SYNPO2L: variants seen among roughly 807,000 people sequenced by gnomAD.
The protein encoded by SYNPO2L is synaptopodin 2 like, also known as synaptopodin 2-like protein.
A neutral mutation model predicts 47.5 loss-of-function variants in SYNPO2L; 34 were observed. The ratio of observed to expected loss-of-function variants is 0.72; its 90% CI spans 0.54 to 0.95. The LOEUF (loss-of-function observed/expected upper bound fraction) is 0.95. Among genes scored for constraint, SYNPO2L ranks in the 40% least tolerant of loss-of-function variants. The probability of loss-of-function intolerance (pLI) is 0.00; values close to 1 mark genes in which losing one functional copy is unlikely to be tolerated. For synonymous variants in SYNPO2L, 536 were observed against 524.9 expected (o/e 1.02, Z -0.29); for missense variants, 1,246 against 1,282.0 (o/e 0.97, Z 0.43).
chr10:73,651,037 G>A (rs1160232527), intron 3 of SYNPO2L: 1 of 1,604,120 alleles, frequency 6.2e-7, no homozygotes, highest in Admixed American at 1.7e-5. Context: ...GCTGGAGCAG[G>A]ACCAGCTTGA....
At position 73,645,795 on chromosome 10, in the gene SYNPO2L, G is replaced by A; in HGVS notation, c.*923C>T. 1 of 985,882 alleles carries A rather than the reference G, an allele frequency of 1.0e-6. No homozygotes were observed. Among genetic ancestry groups the A allele is most frequent in the Non-Finnish European group, 1.2e-6 (1 of 830,014 alleles). 61.1% of individuals were successfully genotyped at this position (985,882 alleles called of 1,614,324 possible). A position where few individuals can be genotyped will look rare whatever the true frequency, so the allele number is the denominator to read the frequency against. Reference sequence around the variant, plus strand: ...GTGGGGATATCTGACCCTTCTATCAGTACAACGATAAGACTCAGATTGGGT... The same window carrying A: ...GTGGGGATATCTGACCCTTCTATCAATACAACGATAAGACTCAGATTGGGT... On this transcript the variant is annotated 3_prime_UTR_variant, in exon 4 of 4. Coordinates refer to ENST00000394810, the MANE Select transcript of SYNPO2L (RefSeq NM_001114133.3).
rs769720748 is a variant in SYNPO2L at position 73,655,886 on chromosome 10, CT to C, written c.36del (p.Gly14GlufsTer57). On this transcript the variant is annotated frameshift_variant, in exon 1 of 4. Transcript: ENST00000394810. LOFTEE classifies it high-confidence loss of function. Reference sequence around the variant, plus strand: ...AGTCGGAAGCCCCAGGGGGCTCCCCCTGATAGTGTGACCAGCACCTCCTCCT... The same window carrying C: ...AGTCGGAAGCCCCAGGGGGCTCCCCCGATAGTGTGACCAGCACCTCCTCCT... ...GAEEEVLVTL[S>X]GGAPWGFRLH... 7.1e-6 allele frequency: 11 copies of C among 1,551,444 alleles called. No individual in the cohort carries two copies. The highest frequency in any genetic ancestry group is 2.4e-5 in the East Asian group (1 of 40,898).
Position 73,647,189 on chromosome 10 carries a change from GA to G in SYNPO2L, c.2462del (p.Phe821SerfsTer27). 1.2e-6 allele frequency: 2 copies of G among 1,613,784 alleles called. No homozygotes were observed. Among genetic ancestry groups the G allele is most frequent in the Non-Finnish European group, 1.7e-6 (2 of 1,179,842 alleles). On this transcript the variant is annotated frameshift_variant, in exon 4 of 4. Coordinates refer to ENST00000394810, the MANE Select transcript of SYNPO2L (RefSeq NM_001114133.3). LOFTEE classifies it high-confidence loss of function. ...TAGGGAGAGTTCGGGCCGCCTGGGG[GA>G]AAAAGGGAGAGAGCAGTGGGTTGTA... ...IAYNPLLSPFFPQAARTLPKA... is the reference protein window; with the variant it reads ...IAYNPLLSPFXPQAARTLPKA...
At chr10:73,650,256 C>G in intron 3 of SYNPO2L, 2 of 985,082 alleles carry the variant, frequency 2.0e-6, no homozygotes, top group Non-Finnish European at 2.4e-6. Context: ...TAATGAGCTC[C>G]TTTGTAATGA....
Position 73,653,329 on chromosome 10 carries a change from C to T in SYNPO2L, c.582G>A (p.Gln194=). ...PAPTIPGPPS[Q]GDSRVSSPSW... Reference sequence around the variant, plus strand: ...ACGGGGAGCTCACACGGCTGTCACCCTGGCTGGGAGGGCCAGGGATAGTAG... The same window carrying T: ...ACGGGGAGCTCACACGGCTGTCACCTTGGCTGGGAGGGCCAGGGATAGTAG... Residue 194 remains glutamine (Q), a synonymous_variant, in exon 3 of 4, where the codon CAG becomes CAA. Transcript: ENST00000394810. 6.4e-7 allele frequency: 1 copy of T among 1,551,610 alleles called. No homozygotes were observed. The highest frequency in any genetic ancestry group is 2.0e-5 in the Admixed American group (1 of 51,008).
At chr10:73,650,748 C>T (rs2132421342) in intron 3 of SYNPO2L, 2 of 985,354 alleles carry the variant, frequency 2.0e-6, no homozygotes, top group South Asian at 4.7e-5. Context: ...CACAGCATCA[C>T]TGAGAAAGGG....
chr10:73,648,046 TG>T lies in SYNPO2L; in HGVS notation c.1605del (p.Ser536AlafsTer9). On this transcript the variant is annotated frameshift_variant, in exon 4 of 4. Transcript: ENST00000394810. LOFTEE classifies it low-confidence loss of function (END_TRUNC). ...VPSHAPVSGSPSTPRSSGPVT... is the reference protein window; with the variant it reads ...VPSHAPVSGSXSTPRSSGPVT... ...ACAGGGCCCGAGGAGCGTGGGGTGC[TG>T]GGGGAACCAGAGACTGGCGCGTGGC... The T allele has an allele frequency of 1.9e-6, 3 of 1,583,174 alleles. No homozygotes were observed. Among genetic ancestry groups the T allele is most frequent in the Admixed American group, 1.8e-5 (1 of 55,842 alleles).
rs780397446 is a variant in SYNPO2L, at chr10:73,648,767, T to C, written c.885A>G (p.Val295=). 1 of 1,611,678 alleles carries C rather than the reference T, an allele frequency of 6.2e-7. No individual in the cohort carries two copies. The highest frequency in any genetic ancestry group is 1.1e-5 in the South Asian group (1 of 90,730). ...TCTGCCGCCGTTTCTTAAACATAAG[T>C]ACCCCTTTGGAGTGGGGGTTGGGGG... ...TAAPNPHSKG[V]LMFKKRRQRA... Residue 295 remains valine (V), a synonymous_variant, in exon 4 of 4, where the codon GTA becomes GTG. Coordinates refer to ENST00000394810, the MANE Select transcript of SYNPO2L (RefSeq NM_001114133.3).
intron 2 of SYNPO2L, 117 bp from the exon 3 acceptor site, chr10:73,653,770 C>T: frequency 7.4e-7 from 1 of 1,344,568 alleles, no homozygotes; most frequent in Non-Finnish European, 9.8e-7. Context: ...AGAGAGAAGG[C>T]TGTCATACAG....
chr10:73,649,004 C>T, intron 3 of SYNPO2L, 125 bp from the exon 4 acceptor site: 1 of 1,334,148 alleles, frequency 7.5e-7, no homozygotes. Flanking sequence ...ACAATGTCCC[C>T]TGTGACAAAG....
rs1385176162 is a variant in SYNPO2L at position 73,653,131 on chromosome 10, G to A, written c.772+8C>T. On this transcript the variant is annotated splice_region_variant and intron_variant, in intron 3 of 3. Coordinates refer to ENST00000394810, the MANE Select transcript of SYNPO2L (RefSeq NM_001114133.3). Reference sequence around the variant, plus strand: ...TCCTGGCTGGGGAAAAGGGGTTCAGGCACTCACTGGCTTGCTTGGCCTTCT... The same window carrying A: ...TCCTGGCTGGGGAAAAGGGGTTCAGACACTCACTGGCTTGCTTGGCCTTCT... The A allele has an allele frequency of 6.9e-7, 1 of 1,446,108 alleles. No individual in the cohort carries two copies. The highest frequency in any genetic ancestry group is 9.1e-7 in the Non-Finnish European group (1 of 1,095,640). The allele number at this position is 1,446,108 out of a possible 1,614,324, so 89.6% of individuals were successfully genotyped here.
Position 73,644,887 on chromosome 10 carries a change from A to C in SYNPO2L, c.*1831T>G. The C allele has an allele frequency of 1.7e-6, 1 of 591,338 alleles. No homozygotes were observed. Among genetic ancestry groups the C allele is most frequent in the Non-Finnish European group, 2.5e-6 (1 of 393,476 alleles). 36.6% of individuals were successfully genotyped at this position (591,338 alleles called of 1,614,324 possible). On this transcript the variant is annotated 3_prime_UTR_variant, in exon 4 of 4. Transcript: ENST00000394810. Reference sequence around the variant, plus strand: ...CTAGAAGATAACAGCAACAGAAGGTATGGGGCATAAATTTATTCTTGTGCA... The same window carrying C: ...CTAGAAGATAACAGCAACAGAAGGTCTGGGGCATAAATTTATTCTTGTGCA...
chr10:73,648,282 G>A lies in SYNPO2L; in HGVS notation c.1370C>T (p.Pro457Leu). 1.9e-6 allele frequency: 3 copies of A among 1,601,616 alleles called. No individual in the cohort carries two copies. Among genetic ancestry groups the A allele is most frequent in the African/African-American group, 1.3e-5 (1 of 75,004 alleles). The stretch of plus-strand genomic sequence containing the variant: ...GTTAAAGATGCTTGGAGCTGGGGTC[G>A]GGGCTCCACCACCTGGTTGGAAGGG... ...PRPFQPGGGAPTPAPSIFNRS... is the reference protein window; with the variant it reads ...PRPFQPGGGALTPAPSIFNRS... The change falls in exon 4 of 4, where the codon CCG becomes CTG. Residue 457 changes from proline (P) to leucine (L), a missense_variant. Physicochemically the swap from Pro to Leu is moderately conservative, Grantham distance 98. Coordinates refer to ENST00000394810, the MANE Select transcript of SYNPO2L (RefSeq NM_001114133.3).
intron 3 of SYNPO2L, among the ~76,000 whole-genome samples, chr10:73,651,815 C>A (rs1233008355): frequency 6.6e-6 from 1 of 152,086 alleles, no homozygotes; most frequent in Admixed American, 6.5e-5. Context: ...ATGGCTCACG[C>A]CTGCAATCCC....
chr10:73,655,847 C>T lies in SYNPO2L; in HGVS notation c.76G>A (p.Glu26Lys), dbSNP rs1014721780. The T allele has an allele frequency of 3.4e-4, 523 of 1,551,110 alleles. 7 individuals are homozygous for T. The East Asian group carries it at 0.012, about 37-fold the overall frequency. ...GACACCTGTAACGGTTTCCTCTGCT[C>T]GGCCCCCCCATGAAGTCGGAAGCCC... is the stretch of plus-strand genomic sequence containing the variant. ...PWGFRLHGGA[E>K]QRKPLQVSKI... Residue 26 changes from glutamate to lysine, a missense_variant, in exon 1 of 4, where the codon GAG (glutamate) becomes AAG (lysine). Glu to Lys is a moderately conservative substitution (Grantham distance 56, BLOSUM62 1). Transcript: ENST00000394810.
At position 73,648,442 on chromosome 10, in the gene SYNPO2L, C is replaced by T; in HGVS notation, c.1210G>A (p.Glu404Lys). The T allele has an allele frequency of 6.2e-7, 1 of 1,609,882 alleles. No individual in the cohort carries two copies. Among genetic ancestry groups the T allele is most frequent in the Non-Finnish European group, 8.5e-7 (1 of 1,179,854 alleles). ...QRQRADSSTQ[E>K]LARVEPAAML... ...GCTGCTGGTTCGACCCGTGCCAGTT[C>T]CTGGGTGCTGGAGTCTGCGCGCTGG... The change falls in exon 4 of 4, where the codon GAA (glutamate) becomes AAA (lysine). Residue 404 changes from glutamate (E) to lysine (K), a missense_variant. Transcript: ENST00000394810.
At position 73,645,548 on chromosome 10, in the gene SYNPO2L, C is replaced by G; in HGVS notation, c.*1170G>C. On this transcript the variant is annotated 3_prime_UTR_variant, in exon 4 of 4. Transcript: ENST00000394810. ...TTTTCATTTCCTGGGTACTGGGTTG[C>G]TCAGCACTGGCCTCTCAAGTTGCTA... 2 of 990,298 alleles carry G rather than the reference C, an allele frequency of 2.0e-6. No homozygotes were observed. The highest frequency in any genetic ancestry group is 2.4e-6 in the Non-Finnish European group (2 of 833,464). 61.3% of individuals were successfully genotyped at this position (990,298 alleles called of 1,614,324 possible).
chr10:73,656,001 G>C lies in SYNPO2L; in HGVS notation c.-79C>G. ...GTTGAGGTGCTCGAACCCCGTCTGG[G>C]CTTCCTGTCCGGCTGTCCTGCTCCT... On this transcript the variant is annotated 5_prime_UTR_variant, in exon 1 of 4. Coordinates refer to ENST00000394810, the MANE Select transcript of SYNPO2L (RefSeq NM_001114133.3). 7.8e-7 allele frequency: 1 copy of C among 1,277,230 alleles called. No individual in the cohort carries two copies. Among genetic ancestry groups the C allele is most frequent in the Non-Finnish European group, 1.1e-6 (1 of 929,270 alleles). 79.1% of individuals were successfully genotyped at this position (1,277,230 alleles called of 1,614,324 possible). A position where few individuals can be genotyped will look rare whatever the true frequency, so the allele number is the denominator to read the frequency against.
chr10:73,644,950 G>A lies in SYNPO2L; in HGVS notation c.*1768C>T, dbSNP rs535025760. ...TTGTGACTCACACCCAACAAGCAAA[G>A]GAAATTATCACTTTCCAGATTACAC... On this transcript the variant is annotated 3_prime_UTR_variant, in exon 4 of 4. Transcript: ENST00000394810. 335 of 1,204,446 alleles carry A rather than the reference G, an allele frequency of 2.8e-4. 2 individuals are homozygous for A. The African/African-American group carries it at 5.3e-3, about 19-fold the overall frequency. The allele number at this position is 1,204,446 out of a possible 1,614,324, so 74.6% of individuals were successfully genotyped here. A position where few individuals can be genotyped will look rare whatever the true frequency, so the allele number is the denominator to read the frequency against.
Sources: allele counts gnomAD v4.1 joint callset (sites outside exome capture counted in the v4.1 genomes callset), GRCh38; gene constraint gnomAD v4.1.1; transcripts MANE v1.5; gene names NCBI Gene and HGNC (gene_info 2026-07-23, HGNC 2026-07-21).